The following ATAD2B variants were observed in gnomAD, a reference collection of about 807,000 sequenced individuals.
ATAD2B encodes the protein ATPase family AAA domain containing 2B, also known as ATPase family AAA domain-containing protein 2B.
A neutral mutation model predicts 167.6 loss-of-function variants in ATAD2B; 40 were observed. The ratio of observed to expected loss-of-function variants is 0.24; its 90% CI spans 0.19 to 0.31. ATAD2B has a LOEUF of 0.31. ATAD2B is among the 10% of genes least tolerant of loss of function. The probability of loss-of-function intolerance (pLI) is 1.00; values close to 1 mark genes in which losing one functional copy is unlikely to be tolerated. For missense variants in ATAD2B, 1,242 were observed against 1,757.2 expected, an observed-to-expected ratio of 0.71 and a Z score of 5.24; for synonymous variants, 579 against 596.5, an observed-to-expected ratio of 0.97 and a Z score of 0.43.
rs960273290 is a variant in ATAD2B, at chr2:23,749,721, A to T, written c.*2325T>A. 1.3e-5 allele frequency: 2 copies of T among 152,140 alleles called. No individual in the cohort carries two copies. The highest frequency in any genetic ancestry group is 4.8e-5 in the African/African-American group (2 of 41,428). The allele number at this position is 152,140 out of a possible 1,614,324, so 9.4% of individuals were successfully genotyped here. On this transcript the variant is annotated 3_prime_UTR_variant, in exon 28 of 28. Coordinates refer to ENST00000238789, the MANE Select transcript of ATAD2B (RefSeq NM_017552.4). ...TCTCCATCTACATTACGGTTAAAAA[A>T]ACAAACAAACAAAAGCAACTTGATC... is the stretch of plus-strand genomic sequence containing the variant.
chr2:23,845,086 G>GAAAGAA (rs1201052719), intron 13 of ATAD2B, among the ~76,000 whole-genome samples: 1 of 152,006 alleles, frequency 6.6e-6, no homozygotes, highest in Non-Finnish European at 1.5e-5. Flanking sequence ...TTAAAGCACG[G>GAAAGAA]AAAGAAAAAG....
At chr2:23,703,591 C>A in the ATAD2B span, 1 of 1,238,668 alleles carries the variant, frequency 8.1e-7, no homozygotes, top group Non-Finnish European at 1.1e-6. Flanking sequence ...CCGGACCCAT[C>A]CCCAGGCCAA....
chr2:23,852,062 T>C (rs915102945), intron 13 of ATAD2B, among the ~76,000 whole-genome samples: 2 of 152,136 alleles, frequency 1.3e-5, no homozygotes, highest in Non-Finnish European at 2.9e-5. Context: ...ATGAACAAAT[T>C]CCTTTAAAGA....
chr2:23,747,217 T>C (rs1416891257), downstream of ATAD2B, among the ~76,000 whole-genome samples: 1 of 152,020 alleles, frequency 6.6e-6, no homozygotes, highest in Admixed American at 6.6e-5. Context: ...ATTACTGTTT[T>C]ATAAATTATA....
chr2:23,893,988 G>A (rs958830807), intron 2 of ATAD2B, among the ~76,000 whole-genome samples: 9 of 152,102 alleles, frequency 5.9e-5, no homozygotes, highest in Admixed American at 4.6e-4. Flanking sequence ...AATTGTGTGA[G>A]TTACTAAACA....
rs181320294 is a variant in ATAD2B, at chr2:23,843,502, G to A, written c.1569-9424C>T. Reference sequence around the variant, plus strand: ...ATCTAATTAATGGCTCTCCAATTACGGGCTGTGATACAGGCAGATGGAATC... The same window carrying A: ...ATCTAATTAATGGCTCTCCAATTACAGGCTGTGATACAGGCAGATGGAATC... On this transcript the variant is annotated intron_variant, in intron 13 of 27. Transcript: ENST00000238789. Among the ~76,000 whole-genome samples the A allele has an allele frequency of 5.0e-3, 758 of 152,296 alleles. 6 individuals carry two copies. Among genetic ancestry groups the A allele is most frequent in the African/African-American group, 0.017 (719 of 41,562 alleles).
chr2:23,785,909 T>C (rs980245205), intron 21 of ATAD2B, 118 bp downstream of exon 21: 2 of 858,244 alleles, frequency 2.3e-6, no homozygotes, highest in South Asian at 4.7e-5. Flanking sequence ...TAAAATTTTA[T>C]AGGCTAGGGG....
At position 23,878,010 on chromosome 2, in the gene ATAD2B, C is replaced by CAAAAAAAAAAAAAAAAAAAAAAAAAAAA. The variant is rs1283016862; in HGVS notation, c.902-2107_902-2106insTTTTTTTTTTTTTTTTTTTTTTTTTTTT. Among the ~76,000 whole-genome samples the CAAAAAAAAAAAAAAAAAAAAAAAAAAAA allele has an allele frequency of 1.3e-3, 38 of 28,608 alleles. 12 individuals are homozygous for CAAAAAAAAAAAAAAAAAAAAAAAAAAAA. Among genetic ancestry groups the CAAAAAAAAAAAAAAAAAAAAAAAAAAAA allele is most frequent in the Non-Finnish European group, 1.7e-3 (26 of 15,384 alleles). The allele number at this position is 28,608 out of a possible 152,430, so 18.8% of individuals were successfully genotyped here. ...ACTCCAGCCTGGATGACCCTATCTC[C>CAAAAAAAAAAAAAAAAAAAAAAAAAAAA]AAAGAAAAAAAAAAAAAAAAAAAAA... On this transcript the variant is annotated intron_variant, in intron 7 of 27. Transcript: ENST00000238789.
chr2:23,785,881 G>A (rs1170556424), intron 21 of ATAD2B, 146 bp downstream of exon 21: 7 of 645,874 alleles, frequency 1.1e-5, no homozygotes, highest in African/African-American at 3.7e-5. Flanking sequence ...TGATGACATC[G>A]GTAGTTATCA....
At chr2:23,687,373 G>C in the ATAD2B span, among the ~76,000 whole-genome samples, 1 of 152,204 alleles carries the variant, frequency 6.6e-6, no homozygotes, top group Non-Finnish European at 1.5e-5. Flanking sequence ...TCCAGCCCCA[G>C]GGAGGACAAT....
intron 17 of ATAD2B, among the ~76,000 whole-genome samples, chr2:23,818,484 A>G (rs1186256379): frequency 6.6e-6 from 1 of 152,150 alleles, no homozygotes; most frequent in African/African-American, 2.4e-5. Context: ...GGATCTGGAG[A>G]AGAAGAAAAA....
the ATAD2B span, among the ~76,000 whole-genome samples, chr2:23,734,569 T>G: frequency 6.6e-6 from 1 of 152,128 alleles, no homozygotes; most frequent in Non-Finnish European, 1.5e-5. Flanking sequence ...ATGGCAAAGA[T>G]GCAGGGGAAG....
intron 22 of ATAD2B, among the ~76,000 whole-genome samples, chr2:23,772,818 C>T (rs1198694600): frequency 6.6e-6 from 1 of 152,176 alleles, no homozygotes; most frequent in East Asian, 1.9e-4. Context: ...GCAGCGTCAA[C>T]CTCCTGGCCT....
intron 13 of ATAD2B, among the ~76,000 whole-genome samples, chr2:23,845,058 G>C (rs1170320445): frequency 2.0e-5 from 3 of 151,944 alleles, no homozygotes; most frequent in Admixed American, 6.6e-5. Context: ...CAAATGAGAA[G>C]AAGAAAGACC....
chr2:23,861,556 A>C (rs1694374041), intron 12 of ATAD2B, among the ~76,000 whole-genome samples: 1 of 151,840 alleles, frequency 6.6e-6, no homozygotes, highest in African/African-American at 2.4e-5. Context: ...TCCTCCCACC[A>C]AGAAAACTAT....
intron 18 of ATAD2B, among the ~76,000 whole-genome samples, chr2:23,806,915 G>A (rs1012789894): frequency 4.6e-5 from 7 of 152,110 alleles, no homozygotes; most frequent in Admixed American, 1.3e-4. Context: ...TCTACATTCT[G>A]AACTAAAGAA....
chr2:23,787,775 T>TCC, intron 20 of ATAD2B, among the ~76,000 whole-genome samples: 1 of 152,122 alleles, frequency 6.6e-6, no homozygotes, highest in South Asian at 2.1e-4. Context: ...CCAAACAGGA[T>TCC]TGCTACTTCC....
chr2:23,899,357 G>GA (rs1391418477), intron 1 of ATAD2B, among the ~76,000 whole-genome samples: 2 of 144,154 alleles, frequency 1.4e-5, no homozygotes, highest in African/African-American at 2.5e-5. Context: ...AGGCACAAAA[G>GA]AAAAAATAAT....
At chr2:23,683,710 C>T in the ATAD2B span, among the ~76,000 whole-genome samples, 1 of 152,184 alleles carries the variant, frequency 6.6e-6, no homozygotes, top group Non-Finnish European at 1.5e-5. Context: ...ATGTCAAAGC[C>T]CCAGGAGAGG....
Sources: gnomAD v4.1 joint callset for allele counts (sites outside exome capture counted in the v4.1 genomes callset) on GRCh38, gnomAD v4.1.1 for gene constraint, MANE v1.5 for transcripts, NCBI Gene and HGNC (gene_info 2026-07-23, HGNC 2026-07-21) for gene names.